GRM1: variants seen among roughly 807,000 people sequenced by gnomAD.
GRM1 encodes the protein glutamate metabotropic receptor 1, also known as metabotropic glutamate receptor 1.
In GRM1, 33 loss-of-function variants were observed where a neutral mutation model predicts 90.9. The observed-to-expected ratio is 0.36, with a 90% CI of 0.28 to 0.49. The LOEUF (loss-of-function observed/expected upper bound fraction) is 0.49, where lower values mean the gene tolerates loss of function less well. GRM1 is among the 20% of genes least tolerant of loss of function. GRM1 has a pLI of 0.99. For synonymous variants in GRM1, 700 were observed against 613.2 expected (o/e 1.14, Z -2.09); for missense variants, 1,190 against 1,534.3 (o/e 0.78, Z 3.75).
rs187864054 is a variant in GRM1, at chr6:146,267,675, G to C, written c.951-36936G>C. On this transcript the variant is annotated intron_variant, in intron 2 of 7. Transcript: ENST00000282753. ...GGGCTGGGCTGGGCTGGGCTGGGCTGGGCTGGGCTCGGCTCGGCTCGGCTC... is the reference window on the plus strand; with the variant it reads ...GGGCTGGGCTGGGCTGGGCTGGGCTCGGCTGGGCTCGGCTCGGCTCGGCTC... 3.1e-3 allele frequency among the ~76,000 whole-genome samples: 320 copies of C among 103,234 alleles called. 3 individuals carry two copies. Among genetic ancestry groups the C allele is most frequent in the Middle Eastern group, 0.027 (6 of 224 alleles). 67.7% of individuals were successfully genotyped at this position (103,234 alleles called of 152,430 possible).
At chr6:146,351,246 A>C (rs1469224959) in intron 3 of GRM1, among the ~76,000 whole-genome samples, 1 of 152,144 alleles carries the variant, frequency 6.6e-6, no homozygotes, top group Non-Finnish European at 1.5e-5. Flanking sequence ...TGACTTTCCC[A>C]CCTTCTAGTA....
chr6:146,315,786 C>T (rs1446614006), intron 3 of GRM1, among the ~76,000 whole-genome samples: 1 of 152,084 alleles, frequency 6.6e-6, no homozygotes, highest in Non-Finnish European at 1.5e-5. Context: ...AGGTTTTGGC[C>T]CTGGCTGTGG....
At chr6:146,170,900 A>G (rs1778095063) in intron 2 of GRM1, among the ~76,000 whole-genome samples, 1 of 152,108 alleles carries the variant, frequency 6.6e-6, no homozygotes, top group Admixed American at 6.5e-5. Flanking sequence ...AATTCCAGAT[A>G]CTAATCCTGT....
intron 5 of GRM1, among the ~76,000 whole-genome samples, chr6:146,369,506 T>G (rs1263786996): frequency 6.6e-6 from 1 of 151,882 alleles, no homozygotes; most frequent in Admixed American, 6.6e-5. Flanking sequence ...CTGTAGGTTT[T>G]GGTATCTTGT....
At chr6:146,145,928 A>G (rs2128885824) in intron 1 of GRM1, among the ~76,000 whole-genome samples, 1 of 152,014 alleles carries the variant, frequency 6.6e-6, no homozygotes, top group Non-Finnish European at 1.5e-5. Flanking sequence ...AACTCCCCTC[A>G]CTAGTGTGCA....
At chr6:146,428,625 G>A (rs1011184827) in intron 7 of GRM1, among the ~76,000 whole-genome samples, 1 of 152,126 alleles carries the variant, frequency 6.6e-6, no homozygotes, top group Non-Finnish European at 1.5e-5. Flanking sequence ...TTGACCTGAA[G>A]TTCCTTTAAA....
At chr6:146,142,176 G>A (rs543194051) in intron 1 of GRM1, among the ~76,000 whole-genome samples, 2 of 152,278 alleles carry the variant, frequency 1.3e-5, no homozygotes, top group Non-Finnish European at 2.9e-5. Context: ...CACCTTGGTC[G>A]TCTTGGATAA....
intron 2 of GRM1, among the ~76,000 whole-genome samples, chr6:146,250,124 A>T (rs1781218885): frequency 6.6e-6 from 1 of 152,162 alleles, no homozygotes; most frequent in African/African-American, 2.4e-5. Flanking sequence ...ATAGGCGCAT[A>T]GGTGGAAGGG....
Position 146,368,261 on chromosome 6 carries a change from G to C in GRM1, c.1602+10567G>C, listed in dbSNP as rs13200195. ...TTATCATTTTCTACAGTTTTTTTTT[G>C]GGGGGGGGGGTAGAATCTTTAGATT... is the stretch of plus-strand genomic sequence containing the variant. On this transcript the variant is annotated intron_variant, in intron 5 of 7. Transcript: ENST00000282753. Among the ~76,000 whole-genome samples, 5 of 87,138 alleles carry C rather than the reference G, an allele frequency of 5.7e-5. 1 individual carries two copies. The highest frequency in any genetic ancestry group is 3.3e-4 in the African/African-American group (5 of 15,080). 57.2% of individuals were successfully genotyped at this position (87,138 alleles called of 152,430 possible).
intron 2 of GRM1, among the ~76,000 whole-genome samples, chr6:146,299,760 C>T (rs983907194): frequency 6.6e-6 from 1 of 152,132 alleles, no homozygotes; most frequent in South Asian, 2.1e-4. Flanking sequence ...TCTTCTGCAG[C>T]ATTTGCCCTG....
At chr6:146,397,457 G>A (rs552284999) in intron 6 of GRM1, among the ~76,000 whole-genome samples, 1 of 109,770 alleles carries the variant, frequency 9.1e-6, no homozygotes, top group South Asian at 3.2e-4. Flanking sequence ...CTGGGCAACA[G>A]AGTGAGACCC....
chr6:146,405,485 A>C (rs906664499), intron 7 of GRM1, among the ~76,000 whole-genome samples: 7 of 152,222 alleles, frequency 4.6e-5, no homozygotes, highest in Non-Finnish European at 7.3e-5. Context: ...AATACCACCA[A>C]CTGAGCTGCT....
chr6:146,188,370 A>T (rs1177805022), intron 2 of GRM1, among the ~76,000 whole-genome samples: 1 of 152,182 alleles, frequency 6.6e-6, no homozygotes, highest in Non-Finnish European at 1.5e-5. Flanking sequence ...AGTAGCACTC[A>T]GGATCCTTCA....
Position 146,359,468 on chromosome 6 carries a change from G to T in GRM1, c.1602+1774G>T, listed in dbSNP as rs143407425. Among the ~76,000 whole-genome samples, 148 of 152,300 alleles carry T rather than the reference G, an allele frequency of 9.7e-4. 1 individual carries two copies. Among genetic ancestry groups the T allele is most frequent in the African/African-American group, 3.3e-3 (136 of 41,564 alleles). ...GGTGTAGCATTGAGTCTATTGTGCA[G>T]ACAATTACTGGGAAACAGTTTTTGG... On this transcript the variant is annotated intron_variant, in intron 5 of 7. Transcript: ENST00000282753.
intron 1 of GRM1, among the ~76,000 whole-genome samples, chr6:146,068,713 A>C (rs1307396962): frequency 1.3e-5 from 2 of 152,234 alleles, no homozygotes; most frequent in Non-Finnish European, 2.9e-5. Flanking sequence ...CATTTATTTC[A>C]TGAATCAGAA....
chr6:146,312,469 T>C (rs1376170496), intron 3 of GRM1, among the ~76,000 whole-genome samples: 2 of 151,970 alleles, frequency 1.3e-5, no homozygotes, highest in Admixed American at 1.3e-4. Context: ...GATGATTATC[T>C]TTGAACAACT....
chr6:146,359,622 A>G (rs1437875476), intron 5 of GRM1, among the ~76,000 whole-genome samples: 1 of 152,190 alleles, frequency 6.6e-6, no homozygotes, highest in Non-Finnish European at 1.5e-5. Context: ...TCTGACTGCC[A>G]GGTGACCATG....
intron 1 of GRM1, among the ~76,000 whole-genome samples, chr6:146,122,839 CTTTT>C (rs57859188): frequency 3.7e-4 from 23 of 62,220 alleles, no homozygotes; most frequent in African/African-American, 5.3e-4. Context: ...TCTTTTCTTT[CTTTT>C]TTTTTTTTTT....
chr6:146,151,181 A>G (rs1777321828), intron 1 of GRM1, among the ~76,000 whole-genome samples: 1 of 152,218 alleles, frequency 6.6e-6, no homozygotes, highest in Non-Finnish European at 1.5e-5. Flanking sequence ...GAGAGACTAC[A>G]TGAAATAACC....
Sources: allele counts gnomAD v4.1 joint callset (sites outside exome capture counted in the v4.1 genomes callset), GRCh38; gene constraint gnomAD v4.1.1; transcripts MANE v1.5; gene names NCBI Gene and HGNC (gene_info 2026-07-23, HGNC 2026-07-21).